Variants in GVQW3 observed in about 807,000 individuals in gnomAD.
The protein encoded by GVQW3 is GVQW motif containing 3, also known as protein GVQW3.
In GVQW3, 7 loss-of-function variants were observed where a neutral mutation model predicts 12.5. The ratio of observed to expected loss-of-function variants is 0.56; its 90% CI spans 0.32 to 1.05. GVQW3 has a LOEUF of 1.05. Among genes scored for constraint, GVQW3 ranks in the 50% least tolerant of loss-of-function variants. The probability of loss-of-function intolerance (pLI) is 0.04; values close to 1 mark genes in which losing one functional copy is unlikely to be tolerated. For synonymous variants in GVQW3, 71 were observed against 67.2 expected, an observed-to-expected ratio of 1.06 and a Z score of -0.28; for missense variants, 188 against 190.8, an observed-to-expected ratio of 0.99 and a Z score of 0.09.
chr11:76,403,097 G>A (rs373344311), intron 1 of GVQW3, among the ~76,000 whole-genome samples: 11 of 151,858 alleles, frequency 7.2e-5, no homozygotes, highest in Admixed American at 2.6e-4. Context: ...ACAGGGGCAC[G>A]CCACCACACC....
In GVQW3 at chr11:76,406,701, G is replaced by A. The variant is rs1364584769; in HGVS notation, c.*2943G>A. 6.6e-6 allele frequency: 1 copy of A among 152,216 alleles called. No homozygotes were observed. Among genetic ancestry groups the A allele is most frequent in the Non-Finnish European group, 1.5e-5 (1 of 68,044 alleles). 9.4% of individuals were successfully genotyped at this position (152,216 alleles called of 1,614,324 possible). On this transcript the variant is annotated 3_prime_UTR_variant, in exon 2 of 2. Coordinates refer to ENST00000529331, the MANE Select transcript of GVQW3 (RefSeq NM_001347885.2). ...TAAAAAAGAAATGTTTAAAGCAGTG[G>A]AAGCACTGTTTAAATAAATATGCCG...
Position 76,381,588 on chromosome 11 carries a change from G to A in GVQW3, c.-241G>A. 4.3e-6 allele frequency: 2 copies of A among 461,288 alleles called. No individual in the cohort carries two copies. Among genetic ancestry groups the A allele is most frequent in the South Asian group, 3.5e-5 (1 of 28,806 alleles). The allele number at this position is 461,288 out of a possible 1,614,324, so 28.6% of individuals were successfully genotyped here. On this transcript the variant is annotated 5_prime_UTR_variant, in exon 1 of 2. Coordinates refer to ENST00000529331, the MANE Select transcript of GVQW3 (RefSeq NM_001347885.2). ...GCACTGGTTTGATGCAGACGTGGTT[G>A]TAGGCGATTTAATTTTTCCCAGCTT...
chr11:76,398,518 G>A (rs1946960213), intron 1 of GVQW3, among the ~76,000 whole-genome samples: 1 of 152,128 alleles, frequency 6.6e-6, no homozygotes, highest in Non-Finnish European at 1.5e-5. Context: ...TTACCATGTT[G>A]CCCAGGGTGA....
At chr11:76,412,921 T>C (rs1056695133), downstream of GVQW3, 1 of 152,272 alleles carries the variant, frequency 6.6e-6, no homozygotes, top group Non-Finnish European at 1.5e-5. Context: ...TTCTTCTTTA[T>C]GAGTGCTGCT....
intron 1 of GVQW3, among the ~76,000 whole-genome samples, chr11:76,402,873 A>AT (rs1275025509): frequency 2.0e-5 from 3 of 151,776 alleles, no homozygotes; most frequent in Non-Finnish European, 4.4e-5. Flanking sequence ...TAATTTTTGT[A>AT]TTTTTTTGTA....
chr11:76,382,606 C>A, intron 1 of GVQW3: 1 of 550,474 alleles, frequency 1.8e-6, no homozygotes, highest in Non-Finnish European at 3.2e-6. Flanking sequence ...ACTCTTGGAC[C>A]ATTTTCCTTG....
intron 1 of GVQW3, among the ~76,000 whole-genome samples, chr11:76,397,154 C>A (rs1041432402): frequency 1.3e-4 from 20 of 151,982 alleles, no homozygotes; most frequent in African/African-American, 4.8e-4. Context: ...CAGGTGCGCA[C>A]CACCACGCCC....
chr11:76,382,551 C>T, intron 1 of GVQW3: 2 of 602,382 alleles, frequency 3.3e-6, no homozygotes, highest in Non-Finnish European at 5.9e-6. Context: ...CAGTCTTCAC[C>T]ACTCCTCCCT....
chr11:76,397,162 C>T (rs1305233186), intron 1 of GVQW3, among the ~76,000 whole-genome samples: 1 of 151,970 alleles, frequency 6.6e-6, no homozygotes, highest in Non-Finnish European at 1.5e-5. Flanking sequence ...CACCACCACG[C>T]CCAGCTAATT....
At chr11:76,389,772 C>CTTTT (rs2134544324) in intron 1 of GVQW3, 1 of 152,316 alleles carries the variant, frequency 6.6e-6, no homozygotes, top group African/African-American at 2.4e-5. Flanking sequence ...ATCCCTGAGA[C>CTTTT]TTTGTATGAT....
At chr11:76,385,956 C>T (rs1946829634) in intron 1 of GVQW3, among the ~76,000 whole-genome samples, 1 of 152,172 alleles carries the variant, frequency 6.6e-6, no homozygotes, top group Admixed American at 6.5e-5. Context: ...CTGTATTTTC[C>T]CTGGCAGGAG....
At position 76,401,041 on chromosome 11, in the gene GVQW3, A is replaced by AT. The variant is rs1424602406; in HGVS notation, c.466-2613dup. Reference sequence around the variant, plus strand: ...GGCTTCTATTTTTATATATATATATATTTTTTCTCTTTTTTGAGACAGGGT... The same window carrying AT: ...GGCTTCTATTTTTATATATATATATATTTTTTTCTCTTTTTTGAGACAGGGT... On this transcript the variant is annotated intron_variant, in intron 1 of 1. Coordinates refer to ENST00000529331, the MANE Select transcript of GVQW3 (RefSeq NM_001347885.2). Among the ~76,000 whole-genome samples the AT allele has an allele frequency of 4.1e-3, 623 of 150,588 alleles. 5 individuals are homozygous for AT. The highest frequency in any genetic ancestry group is 0.011 in the African/African-American group (465 of 41,264).
intron 1 of GVQW3, among the ~76,000 whole-genome samples, chr11:76,400,038 C>CACAT (rs1555029537): frequency 0.019 from 2,833 of 151,434 alleles, 98 homozygotes; most frequent in African/African-American, 0.065. Flanking sequence ...CACACACACA[C>CACAT]ACACACACAC....
chr11:76,399,148 T>G (rs1481886523), intron 1 of GVQW3, among the ~76,000 whole-genome samples: 2 of 151,722 alleles, frequency 1.3e-5, no homozygotes, highest in African/African-American at 4.9e-5. Context: ...TTATTTTATT[T>G]TATTTACTTG....
chr11:76,390,880 A>G (rs1430735201), intron 1 of GVQW3, among the ~76,000 whole-genome samples: 1 of 152,126 alleles, frequency 6.6e-6, no homozygotes, highest in African/African-American at 2.4e-5. Flanking sequence ...GATAGTGATT[A>G]TTAGATGTGA....
At chr11:76,392,354 G>A (rs1946900606) in intron 1 of GVQW3, 1 of 152,212 alleles carries the variant, frequency 6.6e-6, no homozygotes, top group Non-Finnish European at 1.5e-5. Flanking sequence ...AACTGGACTT[G>A]AGGCTGTGGG....
intron 1 of GVQW3, among the ~76,000 whole-genome samples, chr11:76,397,517 C>A (rs1946950195): frequency 6.6e-6 from 1 of 152,156 alleles, no homozygotes; most frequent in Admixed American, 6.5e-5. Flanking sequence ...TTCATTATTT[C>A]TTGTATTCAC....
intron 1 of GVQW3, among the ~76,000 whole-genome samples, chr11:76,400,072 C>T (rs572467277): frequency 1.3e-5 from 2 of 149,094 alleles, no homozygotes; most frequent in South Asian, 4.3e-4. Flanking sequence ...GTTCTGTTTC[C>T]TGTTTCTCTA....
chr11:76,390,196 G>T (rs559485473), intron 1 of GVQW3: 2 of 152,158 alleles, frequency 1.3e-5, no homozygotes, highest in African/African-American at 4.8e-5. Context: ...TATTTTATAG[G>T]CCTATAGCTC....
Sources: allele counts gnomAD v4.1 joint callset (sites outside exome capture counted in the v4.1 genomes callset), GRCh38; gene constraint gnomAD v4.1.1; transcripts MANE v1.5; gene names NCBI Gene and HGNC (gene_info 2026-07-23, HGNC 2026-07-21).